The following GALNT18 variants were observed in gnomAD, a reference collection of about 807,000 sequenced individuals.
The protein encoded by GALNT18 is GalNAc-transferase 18.
Under a neutral mutation model 69.5 loss-of-function variants are expected in GALNT18, and 44 were observed. The observed-to-expected ratio is 0.63, with a 90% CI of 0.50 to 0.81. The LOEUF is 0.81. Ranked by LOEUF, GALNT18 falls within the 40% of genes least tolerant of loss-of-function variation. The pLI, the probability that GALNT18 is intolerant of heterozygous loss-of-function variation, is 0.00. For synonymous variants in GALNT18, 364 were observed against 318.2 expected, an observed-to-expected ratio of 1.14 and a Z score of -1.53; for missense variants, 715 against 810.0, an observed-to-expected ratio of 0.88 and a Z score of 1.42.
chr11:11,608,329 C>T (rs1859803043), intron 1 of GALNT18, among the ~76,000 whole-genome samples: 1 of 152,038 alleles, frequency 6.6e-6, no homozygotes, highest in South Asian at 2.1e-4. Flanking sequence ...CTACCTGATA[C>T]ACAGGGTGGG....
intron 1 of GALNT18, among the ~76,000 whole-genome samples, chr11:11,556,766 G>A (rs571409012): frequency 6.6e-6 from 1 of 152,350 alleles, no homozygotes; most frequent in African/African-American, 2.4e-5. Flanking sequence ...AGTGGCTAAT[G>A]CTATCCAATT....
intron 2 of GALNT18, among the ~76,000 whole-genome samples, chr11:11,445,216 C>A (rs191082803): frequency 1.3e-5 from 2 of 152,312 alleles, no homozygotes; most frequent in Admixed American, 1.3e-4. Context: ...TGCCAGACCA[C>A]CTGCCCCAGC....
chr11:11,352,486 T>C, intron 6 of GALNT18: 1 of 1,614,110 alleles, frequency 6.2e-7, no homozygotes. Flanking sequence ...ATATCCAAAC[T>C]ATAATCGTAC....
At chr11:11,548,958 A>G (rs751308748) in intron 1 of GALNT18, among the ~76,000 whole-genome samples, 12 of 152,338 alleles carry the variant, frequency 7.9e-5, no homozygotes, top group Non-Finnish European at 1.5e-4. Context: ...AGAACACTCA[A>G]ATTATGGCTG....
At position 11,562,644 on chromosome 11, in the gene GALNT18, C is replaced by T. The variant is rs1247667667; in HGVS notation, c.235+58715G>A. ...GCACAATTTCAAGGCCCCACATGGA[C>T]GTCTGCAAATAGCAAAGCAAGTCAG... On this transcript the variant is annotated intron_variant, in intron 1 of 10. Transcript: ENST00000227756. The surrounding 1 kb of genome is among the most constrained non-coding windows in gnomAD (Gnocchi z 4.1). Among the ~76,000 whole-genome samples, 3 of 152,216 alleles carry T rather than the reference C, an allele frequency of 2.0e-5. No homozygotes were observed. Among genetic ancestry groups the T allele is most frequent in the East Asian group, 1.9e-4 (1 of 5,174 alleles).
chr11:11,478,967 C>T (rs1856464664), intron 1 of GALNT18, among the ~76,000 whole-genome samples: 1 of 152,010 alleles, frequency 6.6e-6, no homozygotes, highest in African/African-American at 2.4e-5. Flanking sequence ...CTCCTCAGGG[C>T]TGACTCCTCT....
At chr11:11,498,701 A>C (rs1856916466) in intron 1 of GALNT18, among the ~76,000 whole-genome samples, 1 of 152,242 alleles carries the variant, frequency 6.6e-6, no homozygotes, top group Non-Finnish European at 1.5e-5. Flanking sequence ...GGGGAGGCTG[A>C]GACAGGAGAA....
At chr11:11,520,199 C>T (rs531062609) in intron 1 of GALNT18, among the ~76,000 whole-genome samples, 8 of 152,350 alleles carry the variant, frequency 5.3e-5, no homozygotes, top group African/African-American at 1.7e-4. Context: ...ACAGAGATTT[C>T]CCCCATTTAA....
intron 1 of GALNT18, among the ~76,000 whole-genome samples, chr11:11,457,388 G>T (rs1331681619): frequency 6.6e-6 from 1 of 152,250 alleles, no homozygotes; most frequent in African/African-American, 2.4e-5. Context: ...TGAGGTGCTG[G>T]TGGTTTTTTG....
intron 3 of GALNT18, among the ~76,000 whole-genome samples, chr11:11,390,249 A>G (rs776125528): frequency 6.6e-6 from 1 of 152,180 alleles, no homozygotes; most frequent in Non-Finnish European, 1.5e-5. Flanking sequence ...TCCCAAATGC[A>G]CTAAGCTCGG....
chr11:11,332,290 G>A lies in GALNT18; in HGVS notation c.1416+404C>T, dbSNP rs1219551094. ...AACTCTTCTCAGGGAGGCTCTGCAT[G>A]CGAGTGGGAGGCATTAGCTCCTTGG... On this transcript the variant is annotated intron_variant, in intron 8 of 10. Coordinates refer to ENST00000227756, the MANE Select transcript of GALNT18 (RefSeq NM_198516.3). This position sits in a 1 kb window ranked among gnomAD's most constrained non-coding sequence, Gnocchi z 4.3. Among the ~76,000 whole-genome samples the A allele has an allele frequency of 6.6e-6, 1 of 152,216 alleles. No individual in the cohort carries two copies. The highest frequency in any genetic ancestry group is 1.5e-5 in the Non-Finnish European group (1 of 68,048).
chr11:11,438,975 CA>C (rs143108514), intron 2 of GALNT18, among the ~76,000 whole-genome samples: 1,647 of 152,276 alleles, frequency 0.011, 34 homozygotes, highest in African/African-American at 0.038. Flanking sequence ...TCACAATTAA[CA>C]GGACCAGTGA....
In GALNT18 at chr11:11,586,171, G is replaced by A. The variant is rs1054274708; in HGVS notation, c.235+35188C>T. 6.6e-6 allele frequency among the ~76,000 whole-genome samples: 1 copy of A among 152,108 alleles called. No individual in the cohort carries two copies. The stretch of plus-strand genomic sequence containing the variant: ...TTGTTTATAAGCCATGCCATCTAGG[G>A]TATTTTATTATAGCAGTCTGAATGG... On this transcript the variant is annotated intron_variant, in intron 1 of 10. Coordinates refer to ENST00000227756, the MANE Select transcript of GALNT18 (RefSeq NM_198516.3). This position sits in a 1 kb window ranked among gnomAD's most constrained non-coding sequence, Gnocchi z 4.1.
In GALNT18 at chr11:11,593,662, C is replaced by T. The variant is rs114693128; in HGVS notation, c.235+27697G>A. Among the ~76,000 whole-genome samples, 751 of 152,280 alleles carry T rather than the reference C, an allele frequency of 4.9e-3. 2 individuals carry two copies. Among genetic ancestry groups the T allele is most frequent in the African/African-American group, 0.017 (722 of 41,550 alleles). On this transcript the variant is annotated intron_variant, in intron 1 of 10. Transcript: ENST00000227756. ...TCCAGGCTTTAGTCCAATATGGTGG[C>T]TCATGCCCCTAACCCCAGTGCTGTG...
intron 1 of GALNT18, chr11:11,476,153 C>T (rs191067818): frequency 2.0e-5 from 3 of 152,352 alleles, no homozygotes; most frequent in Non-Finnish European, 4.4e-5. Context: ...TATCTTCCAG[C>T]CAGGTCCCCC....
intron 1 of GALNT18, among the ~76,000 whole-genome samples, chr11:11,559,886 TG>T (rs749693242): frequency 7.0e-6 from 1 of 141,878 alleles, no homozygotes; most frequent in Non-Finnish European, 1.5e-5. Flanking sequence ...TGGAACAGAA[TG>T]GGATATGATG....
chr11:11,379,025 G>A, intron 4 of GALNT18, 56 bp downstream of exon 4: 1 of 1,453,746 alleles, frequency 6.9e-7, no homozygotes, highest in East Asian at 2.3e-5. Flanking sequence ...TGCACTATTG[G>A]AGCTGAAGCC....
chr11:11,531,346 G>A (rs1324831847), intron 1 of GALNT18, among the ~76,000 whole-genome samples: 1 of 152,152 alleles, frequency 6.6e-6, no homozygotes, highest in Admixed American at 6.5e-5. Context: ...CTTGCCAGCT[G>A]TACCACCACT....
In GALNT18 at chr11:11,379,241, C is replaced by T. The variant is rs139800432; in HGVS notation, c.619G>A (p.Glu207Lys). 70 of 1,612,774 alleles carry T rather than the reference C, an allele frequency of 4.3e-5. No individual in the cohort carries two copies. Among genetic ancestry groups the T allele is most frequent in the African/African-American group, 3.9e-4 (29 of 74,978 alleles). Residue 207 changes from glutamate (E) to lysine (K), a missense_variant, in exon 4 of 11, where the codon GAA becomes AAA. Transcript: ENST00000227756. ...SNEELKEKLT[E>K]YVDKVNSQKP... ...TGGCTGTTCACCTTGTCCACATATTCGGTCAGCTTCTCCTTCAGTTCCTCT... is the reference window on the plus strand; with the variant it reads ...TGGCTGTTCACCTTGTCCACATATTTGGTCAGCTTCTCCTTCAGTTCCTCT...
Sources: gnomAD v4.1 joint callset for allele counts (sites outside exome capture counted in the v4.1 genomes callset) on GRCh38, gnomAD v4.1.1 for gene constraint, Gnocchi (gnomAD v3.1) non-coding constraint, MANE v1.5 for transcripts, NCBI Gene and HGNC (gene_info 2026-07-23, HGNC 2026-07-21) for gene names.